Variants in CROCC2 observed in about 807,000 individuals in gnomAD.
The protein encoded by CROCC2 is ciliary rootlet coiled-coil, rootletin family member 2.
Under a neutral mutation model 177.6 loss-of-function variants are expected in CROCC2, and 163 were observed. The ratio of observed to expected loss-of-function variants is 0.92; its 90% CI spans 0.81 to 1.05. The LOEUF is 1.05. Ranked by LOEUF, CROCC2 falls within the 50% of genes least tolerant of loss-of-function variation. The pLI, the probability that CROCC2 is intolerant of heterozygous loss-of-function variation, is 0.00. For missense variants in CROCC2, 1,929 were observed against 1,797.8 expected, an observed-to-expected ratio of 1.07 and a Z score of -1.32; for synonymous variants, 904 against 787.3, an observed-to-expected ratio of 1.15 and a Z score of -2.48.
At chr2:240,986,672 C>A (rs1430379948) in intron 28 of CROCC2, among the ~76,000 whole-genome samples, 1 of 152,180 alleles carries the variant, frequency 6.6e-6, no homozygotes, top group East Asian at 1.9e-4. Context: ...CTTTGGACTT[C>A]CATCCGTGGA....
intron 26 of CROCC2, 35 bp from the exon 27 acceptor site, chr2:240,968,094 T>C (rs1459493729): frequency 1.3e-5 from 18 of 1,401,638 alleles, no homozygotes; most frequent in Non-Finnish European, 1.6e-5. Flanking sequence ...GGGAGGGGCA[T>C]GGGGGCCCCT....
rs1231829474 is a variant in CROCC2 at position 240,973,032 on chromosome 2, G to C, written c.4401+4770G>C. 6.6e-6 allele frequency among the ~76,000 whole-genome samples: 1 copy of C among 152,158 alleles called. No homozygotes were observed. The highest frequency in any genetic ancestry group is 1.5e-5 in the Non-Finnish European group (1 of 68,026). On this transcript the variant is annotated intron_variant, in intron 27 of 31. Transcript: ENST00000690015. The surrounding 1 kb of genome is among the most constrained non-coding windows in gnomAD (Gnocchi z 4.7). ...GGGGGTGCTAGGGTCCAGTAGGGCA[G>C]GCCTGGTGCCTCTCCTGGCTCTGCC...
intron 27 of CROCC2, among the ~76,000 whole-genome samples, chr2:240,968,851 G>A (rs1403878016): frequency 1.3e-5 from 2 of 152,118 alleles, no homozygotes; most frequent in African/African-American, 2.4e-5. Context: ...AGGCAGTGGT[G>A]GATGGAGGCC....
At chr2:240,954,837 T>A (rs1476007039) in intron 18 of CROCC2, 1 of 152,106 alleles carries the variant, frequency 6.6e-6, no homozygotes, top group East Asian at 1.9e-4. Flanking sequence ...TAAACTCAGG[T>A]GTGGTCCCAG....
At position 240,934,381 on chromosome 2, in the gene CROCC2, A is replaced by G. The variant is rs770062892; in HGVS notation, c.1697A>G (p.Glu566Gly). Reference sequence around the variant, plus strand: ...GAGAAGGTCTCCGGGCTCAGAGAGGAGCTGGCATCGGTCCGGGAGGCACTG... The same window carrying G: ...GAGAAGGTCTCCGGGCTCAGAGAGGGGCTGGCATCGGTCCGGGAGGCACTG... ...LEEKVSGLRE[E>G]LASVREALST... The change falls in exon 12 of 32, where the codon GAG becomes GGG. Residue 566 changes from glutamate (E) to glycine (G), a missense_variant. Transcript: ENST00000690015. 1.9e-5 allele frequency: 29 copies of G among 1,548,652 alleles called. No individual in the cohort carries two copies. The African/African-American group carries it at 3.8e-4, about 20-fold the overall frequency.
In CROCC2 at chr2:240,958,755, G is replaced by A; in HGVS notation, c.2944-546G>A. ...GCCGCAACCTGGGCAGGGGTGCAGT[G>A]GGGAGGGCCTTGAGAGGAAGCGGGG... On this transcript the variant is annotated intron_variant, in intron 19 of 31. Coordinates refer to ENST00000690015, the MANE Select transcript of CROCC2 (RefSeq NM_001351305.2). The surrounding 1 kb of genome is among the most constrained non-coding windows in gnomAD (Gnocchi z 6.7). 2 of 212,934 alleles carry A rather than the reference G, an allele frequency of 9.4e-6. No individual in the cohort carries two copies. Among genetic ancestry groups the A allele is most frequent in the East Asian group, 1.8e-4 (1 of 5,426 alleles). 13.2% of individuals were successfully genotyped at this position (212,934 alleles called of 1,614,324 possible).
chr2:240,982,526 A>G lies in CROCC2; in HGVS notation c.4402-354A>G. ...GAGGGTCACCTCAGGCTTTATCCCA[A>G]GGGCAGTAGGAGCCACCAAGGCTGG... is the stretch of plus-strand genomic sequence containing the variant. On this transcript the variant is annotated intron_variant, in intron 27 of 31. Transcript: ENST00000690015. The surrounding 1 kb of genome is among the most constrained non-coding windows in gnomAD (Gnocchi z 4.7). 1 of 191,406 alleles carries G rather than the reference A, an allele frequency of 5.2e-6. No homozygotes were observed. Among genetic ancestry groups the G allele is most frequent in the Non-Finnish European group, 1.1e-5 (1 of 94,398 alleles). 11.9% of individuals were successfully genotyped at this position (191,406 alleles called of 1,614,324 possible).
At chr2:240,934,089 G>A (rs577605311) in intron 11 of CROCC2, among the ~76,000 whole-genome samples, 2 of 152,194 alleles carry the variant, frequency 1.3e-5, no homozygotes, top group East Asian at 1.9e-4. Context: ...ACCACCCCGT[G>A]GGCCCATCAG....
At chr2:240,945,062 G>A (rs1261777906) in intron 14 of CROCC2, among the ~76,000 whole-genome samples, 1 of 152,068 alleles carries the variant, frequency 6.6e-6, no homozygotes, top group Admixed American at 6.6e-5. Flanking sequence ...TCGGCCTCCT[G>A]AATAGCTGGG....
chr2:240,989,744 C>G lies in CROCC2; in HGVS notation c.4774C>G (p.Arg1592Gly). The change falls in exon 30 of 32, where the codon CGT (arginine) becomes GGT (glycine). Residue 1592 changes from arginine (R) to glycine (G), a missense_variant. Physicochemically the swap from Arg to Gly is moderately radical, Grantham distance 125 (BLOSUM62 -2). Transcript: ENST00000690015. ...GCGGGACCTGGCCACAGAGGCAGAG[C>G]GTCTCCATGGGGCCCGGCCGCAGGC... Reference protein sequence around the residue: ...HQRDLATEAERLHGARPQATQ... With the variant: ...HQRDLATEAEGLHGARPQATQ... The G allele has an allele frequency of 6.5e-7, 1 of 1,550,376 alleles. No individual in the cohort carries two copies. Among genetic ancestry groups the G allele is most frequent in the Non-Finnish European group, 8.7e-7 (1 of 1,146,898 alleles).
intron 15 of CROCC2, among the ~76,000 whole-genome samples, chr2:240,947,771 CTTCA>C (rs2059531988): frequency 6.6e-6 from 1 of 152,178 alleles, no homozygotes; most frequent in Non-Finnish European, 1.5e-5. Context: ...TGCTCCCTCC[CTTCA>C]TGGAGTCCTG....
At chr2:240,950,020 C>T (rs967454725) in intron 17 of CROCC2, among the ~76,000 whole-genome samples, 1 of 152,230 alleles carries the variant, frequency 6.6e-6, no homozygotes, top group Non-Finnish European at 1.5e-5. Flanking sequence ...AGAGCCGTCC[C>T]ACAGGTCACA....
chr2:240,928,657 G>A (rs4675844), intron 5 of CROCC2, among the ~76,000 whole-genome samples: 65,067 of 152,118 alleles, frequency 0.43, 15,237 homozygotes, highest in East Asian at 0.73. Context: ...TGATGAACAC[G>A]GAGTGCAGGA....
At chr2:240,992,562 G>A (rs1330958311) in intron 31 of CROCC2, among the ~76,000 whole-genome samples, 2 of 152,246 alleles carry the variant, frequency 1.3e-5, no homozygotes, top group Non-Finnish European at 2.9e-5. Context: ...CTGCCTGATT[G>A]TTGGTGGCTG....
chr2:240,958,081 T>C lies in CROCC2; in HGVS notation c.2944-1220T>C, dbSNP rs546417042. 3.0e-6 allele frequency: 3 copies of C among 985,262 alleles called. No homozygotes were observed. The East Asian group carries it at 3.4e-4, about 112-fold the overall frequency. The allele number at this position is 985,262 out of a possible 1,614,324, so 61.0% of individuals were successfully genotyped here. A position where few individuals can be genotyped will look rare whatever the true frequency, so the allele number is the denominator to read the frequency against. ...GCCTTCCTGGGGAGCTCGTTAAGGG[T>C]TCCTTTGCCACCTCGGCTCAGAAAA... On this transcript the variant is annotated intron_variant, in intron 19 of 31. Coordinates refer to ENST00000690015, the MANE Select transcript of CROCC2 (RefSeq NM_001351305.2). The surrounding 1 kb of genome is among the most constrained non-coding windows in gnomAD (Gnocchi z 6.7).
intron 18 of CROCC2, chr2:240,954,796 T>C (rs981540607): frequency 5.3e-5 from 8 of 152,066 alleles, no homozygotes; most frequent in African/African-American, 1.4e-4. Flanking sequence ...TGAAATTCAG[T>C]AGGAACCCAC....
In CROCC2 at chr2:240,965,512, G is replaced by A. The variant is rs1354657762; in HGVS notation, c.3597G>A (p.Arg1199=). The A allele has an allele frequency of 5.8e-6, 9 of 1,550,172 alleles. No homozygotes were observed. The highest frequency in any genetic ancestry group is 7.8e-6 in the Non-Finnish European group (9 of 1,146,990). ...AKAEAKHEGA[R]KEVLGLQRKL... is the part of the protein sequence containing the mutation. ...CAGAGGCCAAGCACGAGGGTGCCCGGAAGGAGGTGGGAGGGCTGCCTGTGG... is the reference window on the plus strand; with the variant it reads ...CAGAGGCCAAGCACGAGGGTGCCCGAAAGGAGGTGGGAGGGCTGCCTGTGG... The change falls in exon 23 of 32, where the codon CGG becomes CGA. Residue 1199 remains arginine (R), a synonymous_variant. Coordinates refer to ENST00000690015, the MANE Select transcript of CROCC2 (RefSeq NM_001351305.2).
chr2:240,944,256 G>A (rs1160187595), intron 14 of CROCC2, among the ~76,000 whole-genome samples: 8 of 151,846 alleles, frequency 5.3e-5, no homozygotes, highest in African/African-American at 1.9e-4. Context: ...TTTATCTTTG[G>A]TATTCAGAAA....
chr2:240,928,796 C>T lies in CROCC2; in HGVS notation c.646-1370C>T, dbSNP rs576420471. 2.0e-3 allele frequency among the ~76,000 whole-genome samples: 290 copies of T among 142,782 alleles called. 2 individuals carry two copies. Among genetic ancestry groups the T allele is most frequent in the Non-Finnish European group, 3.7e-3 (234 of 62,526 alleles). 93.7% of individuals were successfully genotyped at this position (142,782 alleles called of 152,430 possible). A position where few individuals can be genotyped will look rare whatever the true frequency, so the allele number is the denominator to read the frequency against. On this transcript the variant is annotated intron_variant, in intron 5 of 31. Transcript: ENST00000690015. ...TCGGAGGGCGTGCAGACAGGGGTAA[C>T]GGGCTCAGAGGAGCATGCCCTCGGA...
Sources: allele counts gnomAD v4.1 joint callset (sites outside exome capture counted in the v4.1 genomes callset), GRCh38; gene constraint gnomAD v4.1.1; non-coding constraint Gnocchi (gnomAD v3.1); transcripts MANE v1.5; gene names NCBI Gene and HGNC (gene_info 2026-07-23, HGNC 2026-07-21).